Variants in IQCE observed in about 807,000 individuals in gnomAD.
IQCE encodes IQ domain-containing protein E.
A neutral mutation model predicts 96.0 loss-of-function variants in IQCE; 115 were observed. The observed-to-expected ratio is 1.20, with a 90% CI of 1.03 to 1.40. IQCE has a LOEUF of 1.40. IQCE is among the 40% of genes most tolerant of loss of function. The probability of loss-of-function intolerance (pLI) is 0.00; values close to 1 mark genes in which losing one functional copy is unlikely to be tolerated. For synonymous variants in IQCE, 412 were observed against 371.2 expected (o/e 1.11, Z -1.26); for missense variants, 1,041 against 909.1 (o/e 1.15, Z -1.87).
intron 21 of IQCE, 24 bp from the exon 22 acceptor site, chr7:2,610,018 CCT>C (rs759150869): frequency 7.6e-7 from 1 of 1,314,508 alleles, no homozygotes; most frequent in Non-Finnish European, 1.1e-6. Context: ...GTGGCTGACC[CCT>C]CTCCCTGTGG....
chr7:2,575,396 G>A (rs1385390729), intron 6 of IQCE, among the ~76,000 whole-genome samples: 1 of 152,242 alleles, frequency 6.6e-6, no homozygotes, highest in Non-Finnish European at 1.5e-5. Flanking sequence ...CTAGCTAGGA[G>A]GGAAGGTGCT....
intron 21 of IQCE, 90 bp downstream of exon 21, chr7:2,607,317 G>A (rs778965256): frequency 2.6e-6 from 4 of 1,559,108 alleles, no homozygotes; most frequent in Non-Finnish European, 3.5e-6. Context: ...AGCCCGGGCT[G>A]TGTCGGGACG....
Position 2,586,379 on chromosome 7 carries a change from C to T in IQCE, c.988+8C>T, listed in dbSNP as rs1226085521. The T allele has an allele frequency of 5.0e-6, 8 of 1,603,728 alleles. No homozygotes were observed. The East Asian group carries it at 8.9e-5, about 18-fold the overall frequency. ...CCATCTCCAAGACACAGGGTACCTTCCTGAAAGCCACTCCAGGAGGGAGGC... is the reference window on the plus strand; with the variant it reads ...CCATCTCCAAGACACAGGGTACCTTTCTGAAAGCCACTCCAGGAGGGAGGC... On this transcript the variant is annotated splice_region_variant and intron_variant, in intron 12 of 21. Coordinates refer to ENST00000402050, the MANE Select transcript of IQCE (RefSeq NM_152558.5).
intron 8 of IQCE, among the ~76,000 whole-genome samples, chr7:2,579,747 A>AT (rs1366037478): frequency 0.011 from 1,382 of 131,174 alleles, 21 homozygotes; most frequent in African/African-American, 0.036. Context: ...GTCTGTGGGT[A>AT]TTTTTTTTTT....
intron 9 of IQCE, 106 bp downstream of exon 9, chr7:2,582,756 G>A (rs961580648): frequency 1.6e-5 from 15 of 926,440 alleles, no homozygotes; most frequent in Admixed American, 1.3e-4. Context: ...CCTACTCCCA[G>A]CCCAAAGCCG....
At chr7:2,565,055 C>G (rs190225929) in intron 1 of IQCE, among the ~76,000 whole-genome samples, 2 of 151,944 alleles carry the variant, frequency 1.3e-5, no homozygotes, top group Admixed American at 1.3e-4. Context: ...GGAGGCGGAA[C>G]AGATTGGCCA....
intron 13 of IQCE, among the ~76,000 whole-genome samples, chr7:2,589,527 G>A (rs1243984380): frequency 6.6e-6 from 1 of 152,092 alleles, no homozygotes; most frequent in East Asian, 1.9e-4. Context: ...CTTTGCAGGC[G>A]ACACCAGGAT....
intron 3 of IQCE, 107 bp downstream of exon 3, chr7:2,569,106 C>T: frequency 1.8e-6 from 2 of 1,088,308 alleles, no homozygotes; most frequent in Non-Finnish European, 2.7e-6. Context: ...GACCTGACGC[C>T]TCAGCCAGTT....
At chr7:2,566,200 C>T (rs1046671552) in intron 1 of IQCE, among the ~76,000 whole-genome samples, 6 of 151,962 alleles carry the variant, frequency 3.9e-5, no homozygotes, top group South Asian at 4.1e-4. Flanking sequence ...TATGATCTTC[C>T]GAGGGACTTT....
chr7:2,593,440 A>T (rs1783771087), intron 15 of IQCE, among the ~76,000 whole-genome samples: 1 of 152,258 alleles, frequency 6.6e-6, no homozygotes, highest in Non-Finnish European at 1.5e-5. Context: ...CACATCCTTA[A>T]GAGGGGCCGC....
chr7:2,561,006 GGA>G (rs1165137322), intron 1 of IQCE, among the ~76,000 whole-genome samples: 6 of 150,018 alleles, frequency 4.0e-5, no homozygotes, highest in African/African-American at 1.5e-4. Flanking sequence ...CACCCAGGCT[GGA>G]GTGCAATGAT....
chr7:2,608,367 T>G (rs749105631), intron 21 of IQCE, among the ~76,000 whole-genome samples: 17 of 152,252 alleles, frequency 1.1e-4, no homozygotes, highest in Non-Finnish European at 2.1e-4. Flanking sequence ...GGCTGTGTTT[T>G]AGAGAGTCTC....
chr7:2,600,548 C>T (rs1039836995), intron 17 of IQCE, among the ~76,000 whole-genome samples: 6 of 152,214 alleles, frequency 3.9e-5, no homozygotes, highest in East Asian at 1.9e-4. Flanking sequence ...GCCAACTCCT[C>T]GTCCTCCCGA....
At chr7:2,587,724 C>T (rs886607573) in intron 12 of IQCE, 98 bp from the exon 13 acceptor site, 69 of 1,230,006 alleles carry the variant, frequency 5.6e-5, no homozygotes, top group Middle Eastern at 2.0e-4. Context: ...CAGGCTGCTC[C>T]GGCTGCGGAA....
intron 12 of IQCE, 44 bp from the exon 13 acceptor site, chr7:2,587,778 G>A (rs766415141): frequency 1.3e-6 from 2 of 1,594,650 alleles, no homozygotes; most frequent in African/African-American, 2.7e-5. Flanking sequence ...CCTGCTGGCA[G>A]TGCCCACCAG....
intron 10 of IQCE, 52 bp from the exon 11 acceptor site, chr7:2,584,184 T>G: frequency 6.6e-7 from 1 of 1,504,194 alleles, no homozygotes; most frequent in South Asian, 1.1e-5. Flanking sequence ...TCAGATAAGG[T>G]CTTCTCCATG....
intron 14 of IQCE, among the ~76,000 whole-genome samples, chr7:2,591,978 TG>T (rs1562660198): frequency 1.7e-5 from 2 of 120,314 alleles, no homozygotes; most frequent in Admixed American, 8.3e-5. Flanking sequence ...CACCCGGGCC[TG>T]CCTCGGCCTC....
intron 11 of IQCE, 99 bp downstream of exon 11, chr7:2,584,384 G>C: frequency 8.9e-7 from 1 of 1,118,332 alleles, no homozygotes; most frequent in Non-Finnish European, 1.4e-6. Context: ...GGCATATACT[G>C]CCCTTAGCTT....
At chr7:2,577,733 G>A (rs1322337643) in intron 6 of IQCE, among the ~76,000 whole-genome samples, 1 of 120,922 alleles carries the variant, frequency 8.3e-6, no homozygotes, top group African/African-American at 3.4e-5. Flanking sequence ...TGTGTGCGGC[G>A]TATACGCATT....
Sources: allele counts gnomAD v4.1 joint callset (sites outside exome capture counted in the v4.1 genomes callset), GRCh38; gene constraint gnomAD v4.1.1; transcripts MANE v1.5; gene names NCBI Gene and HGNC (gene_info 2026-07-23, HGNC 2026-07-21).